Variants in COL23A1 observed in about 807,000 individuals in gnomAD.
COL23A1 encodes collagen alpha-1(XXIII) chain.
A neutral mutation model predicts 99.3 loss-of-function variants in COL23A1; 97 were observed. That is an observed-to-expected ratio of 0.98 (90% CI 0.83 to 1.16). COL23A1 has a LOEUF of 1.16. COL23A1 is among the 50% of genes most tolerant of loss of function. The pLI is 0.00. For synonymous variants in COL23A1, 320 were observed against 308.2 expected (o/e 1.04, Z -0.40); for missense variants, 762 against 757.4 (o/e 1.01, Z -0.07).
intron 2 of COL23A1, among the ~76,000 whole-genome samples, chr5:178,558,220 G>A (rs569176721): frequency 5.5e-4 from 84 of 152,022 alleles, no homozygotes; most frequent in African/African-American, 1.9e-3. Flanking sequence ...CAGGACACAG[G>A]TCCATCTGTA....
At chr5:178,245,622 C>T (rs1442817587) in intron 25 of COL23A1, among the ~76,000 whole-genome samples, 1 of 151,834 alleles carries the variant, frequency 6.6e-6, no homozygotes, top group African/African-American at 2.4e-5. Flanking sequence ...ACCCATCCAT[C>T]CATTTATCCA....
intron 2 of COL23A1, among the ~76,000 whole-genome samples, chr5:178,361,787 T>C (rs4976764): frequency 1 from 151,912 of 152,262 alleles, 75,781 homozygotes; most frequent in East Asian, 1. Context: ...TATGTGTGCT[T>C]GAGCCATGCA....
chr5:178,545,098 C>G (rs1420747533), intron 2 of COL23A1, among the ~76,000 whole-genome samples: 3 of 143,008 alleles, frequency 2.1e-5, no homozygotes, highest in Non-Finnish European at 4.6e-5. Flanking sequence ...GAAACAATAA[C>G]AATAAATAAA....
chr5:178,577,098 G>T (rs529826852), intron 1 of COL23A1, among the ~76,000 whole-genome samples: 8 of 152,132 alleles, frequency 5.3e-5, no homozygotes, highest in African/African-American at 1.4e-4. Context: ...CGCGCCCTGT[G>T]GGCCGAGGCC....
chr5:178,474,524 CAAAA>C (rs11361854), intron 2 of COL23A1, among the ~76,000 whole-genome samples: 1 of 151,662 alleles, frequency 6.6e-6, no homozygotes, highest in Non-Finnish European at 1.5e-5. Context: ...TGTGAGATGT[CAAAA>C]AAAAAAATTT....
intron 2 of COL23A1, among the ~76,000 whole-genome samples, chr5:178,332,456 A>G (rs1318436320): frequency 6.6e-6 from 1 of 152,090 alleles, no homozygotes; most frequent in Non-Finnish European, 1.5e-5. Flanking sequence ...CTGTTCTTTG[A>G]GGTCTCTGGA....
intron 3 of COL23A1, among the ~76,000 whole-genome samples, chr5:178,303,993 G>A (rs1561843264): frequency 6.6e-6 from 1 of 152,244 alleles, no homozygotes; most frequent in Non-Finnish European, 1.5e-5. Flanking sequence ...TGACTCCAGA[G>A]TGCAGGCACA....
At chr5:178,350,630 T>C (rs1159803537) in intron 2 of COL23A1, among the ~76,000 whole-genome samples, 1 of 152,164 alleles carries the variant, frequency 6.6e-6, no homozygotes, top group Admixed American at 6.5e-5. Flanking sequence ...AGTGTGGATA[T>C]GTTGCAATGA....
rs1764774193 is a variant in COL23A1, at chr5:178,247,612, A to T, written c.1270-60T>A. ...CCGGACCCTCTTGCAGTGGCCACTC[A>T]CTGGCCCCTGGGGCCCTGTCCTGGG... On this transcript the variant is annotated intron_variant, in intron 21 of 28. Transcript: ENST00000390654. 12 of 1,607,760 alleles carry T rather than the reference A, an allele frequency of 7.5e-6. No individual in the cohort carries two copies. The South Asian group carries it at 1.1e-4, about 15-fold the overall frequency.
chr5:178,457,267 G>A (rs1270478587), intron 2 of COL23A1, among the ~76,000 whole-genome samples: 1 of 152,160 alleles, frequency 6.6e-6, no homozygotes, highest in Non-Finnish European at 1.5e-5. Flanking sequence ...AGGCTGGAGT[G>A]CAGTGGCACA....
intron 2 of COL23A1, among the ~76,000 whole-genome samples, chr5:178,401,155 C>T (rs978835007): frequency 6.6e-6 from 1 of 152,206 alleles, no homozygotes; most frequent in South Asian, 2.1e-4. Context: ...CCTCAAGATT[C>T]GTCCACTTTG....
At chr5:178,244,658 CAG>C (rs750315286) in intron 25 of COL23A1, among the ~76,000 whole-genome samples, 1 of 152,230 alleles carries the variant, frequency 6.6e-6, no homozygotes, top group Non-Finnish European at 1.5e-5. Flanking sequence ...GCAGACAAGA[CAG>C]GGTGAAAGGC....
chr5:178,354,136 G>T (rs943177160), intron 2 of COL23A1, among the ~76,000 whole-genome samples: 1 of 151,732 alleles, frequency 6.6e-6, no homozygotes, highest in Non-Finnish European at 1.5e-5. Flanking sequence ...TATACCATTT[G>T]AATCTTTTTT....
chr5:178,381,730 G>A lies in COL23A1; in HGVS notation c.362-74811C>T, dbSNP rs776546942. 3.3e-4 allele frequency among the ~76,000 whole-genome samples: 50 copies of A among 151,648 alleles called. 1 individual carries two copies. The highest frequency in any genetic ancestry group is 1.1e-3 in the Admixed American group (16 of 15,218). On this transcript the variant is annotated intron_variant, in intron 2 of 28. Transcript: ENST00000390654. Reference sequence around the variant, plus strand: ...GACTCCCTGCAGCCTTGAACTCCCCGGCTCAGGCAATCCTCCCGCTTCGGC... The same window carrying A: ...GACTCCCTGCAGCCTTGAACTCCCCAGCTCAGGCAATCCTCCCGCTTCGGC...
At chr5:178,464,028 G>A (rs1037885964) in intron 2 of COL23A1, among the ~76,000 whole-genome samples, 1 of 152,184 alleles carries the variant, frequency 6.6e-6, no homozygotes, top group African/African-American at 2.4e-5. Context: ...GGCAGGAGCT[G>A]TTCACCTACC....
In COL23A1 at chr5:178,269,506, CCCAT is replaced by C. The variant is rs1482639032; in HGVS notation, c.469-754_469-751del. ...ATCCACCCACCCATCCACCCATCCA[CCCAT>C]CCACCCACCCATCCACCCACCCATC... On this transcript the variant is annotated intron_variant, in intron 6 of 28. Coordinates refer to ENST00000390654, the MANE Select transcript of COL23A1 (RefSeq NM_173465.4). 2.2e-3 allele frequency among the ~76,000 whole-genome samples: 200 copies of C among 90,006 alleles called. 2 individuals carry two copies. The highest frequency in any genetic ancestry group is 6.1e-3 in the African/African-American group (122 of 19,994). The allele number at this position is 90,006 out of a possible 152,430, so 59.0% of individuals were successfully genotyped here.
Position 178,556,054 on chromosome 5 carries a change from C to T in COL23A1, c.361+4628G>A, listed in dbSNP as rs1248437799. Among the ~76,000 whole-genome samples the T allele has an allele frequency of 6.6e-5, 10 of 152,338 alleles. No individual in the cohort carries two copies. In the East Asian group the frequency reaches 1.9e-3, roughly 29 times the overall value. On this transcript the variant is annotated intron_variant, in intron 2 of 28. Transcript: ENST00000390654. Reference sequence around the variant, plus strand: ...AGGCCTTCTTCCCTCCATCACAGCACACACGCAGCCCTGTCTGAATAACAC... The same window carrying T: ...AGGCCTTCTTCCCTCCATCACAGCATACACGCAGCCCTGTCTGAATAACAC...
At chr5:178,265,931 G>A (rs535784549) in intron 8 of COL23A1, 9 of 153,530 alleles carry the variant, frequency 5.9e-5, no homozygotes, top group East Asian at 1.9e-4. Flanking sequence ...GCCATGTGAC[G>A]GTGCCATCAC....
rs1432948922 is a variant in COL23A1, at chr5:178,242,059, C to G, written c.1564G>C (p.Asp522His). ...ACACCTACCACGGGACACGGCTGGTCCAGGCCTGGTGGTCCCGGCTCGCCC... is the reference window on the plus strand; with the variant it reads ...ACACCTACCACGGGACACGGCTGGTGCAGGCCTGGTGGTCCCGGCTCGCCC... The part of the protein sequence containing the change: ...QKGEPGPPGL[D>H]QPCPVGPDGL... Residue 522 changes from aspartate to histidine, a missense_variant, in exon 27 of 29, where the codon GAC (aspartate) becomes CAC (histidine). Physicochemically the swap from Asp to His is moderately conservative, Grantham distance 81 (BLOSUM62 -1). Coordinates refer to ENST00000390654, the MANE Select transcript of COL23A1 (RefSeq NM_173465.4). 2 of 1,554,656 alleles carry G rather than the reference C, an allele frequency of 1.3e-6. No homozygotes were observed. Among genetic ancestry groups the G allele is most frequent in the South Asian group, 2.4e-5 (2 of 84,300 alleles).
Sources: gnomAD v4.1 joint callset for allele counts (sites outside exome capture counted in the v4.1 genomes callset) on GRCh38, gnomAD v4.1.1 for gene constraint, MANE v1.5 for transcripts, NCBI Gene and HGNC (gene_info 2026-07-23, HGNC 2026-07-21) for gene names.